Variants in SELP observed in about 807,000 individuals in gnomAD.
The protein encoded by SELP is selectin P.
A neutral mutation model predicts 104.1 loss-of-function variants in SELP; 92 were observed. That is an observed-to-expected ratio of 0.88 (90% CI 0.75 to 1.05). The LOEUF (loss-of-function observed/expected upper bound fraction) is 1.05, where lower values mean the gene tolerates loss of function less well. Ranked by LOEUF, SELP falls within the 50% of genes least tolerant of loss-of-function variation. The pLI, the probability that SELP is intolerant of heterozygous loss-of-function variation, is 0.00. For missense variants in SELP, 1,022 were observed against 1,017.3 expected (o/e 1.00, Z -0.06); for synonymous variants, 397 against 364.5 (o/e 1.09, Z -1.01).
Position 169,609,525 on chromosome 1 carries a change from C to T in SELP, c.1312G>A (p.Ala438Thr), listed in dbSNP as rs1662382950. The T allele has an allele frequency of 1.2e-6, 2 of 1,613,400 alleles. No homozygotes were observed. The highest frequency in any genetic ancestry group is 3.3e-5 in the Admixed American group (2 of 59,924). ...GTACCTTGACAGACTGGGGCTGGTG[C>T]TGTCCACTGTCCCAAGTTATCACAC... ...VRCDNLGQWT[A>T]PAPVCQALQC... The change falls in exon 8 of 17, where the codon GCA becomes ACA. Residue 438 changes from alanine to threonine, a missense_variant. Ala to Thr is a moderately conservative substitution (Grantham distance 58). Transcript: ENST00000263686.
At position 169,593,542 on chromosome 1, in the gene SELP, C is replaced by T. The variant is rs1026768996; in HGVS notation, c.2407+63G>A. The T allele has an allele frequency of 1.2e-5, 18 of 1,510,438 alleles. No homozygotes were observed. In the East Asian group the frequency reaches 2.1e-4, roughly 17 times the overall value. 93.6% of individuals were successfully genotyped at this position (1,510,438 alleles called of 1,614,324 possible). A position where few individuals can be genotyped will look rare whatever the true frequency, so the allele number is the denominator to read the frequency against. ...GTTTTTGCCTCCCCACCCTAAATTACATAAATCAATTTCTTTTGATTTATG... is the reference window on the plus strand; with the variant it reads ...GTTTTTGCCTCCCCACCCTAAATTATATAAATCAATTTCTTTTGATTTATG... On this transcript the variant is annotated intron_variant, in intron 14 of 16. Transcript: ENST00000263686.
intron 14 of SELP, chr1:169,591,708 T>A: frequency 3.2e-6 from 1 of 310,208 alleles, no homozygotes; most frequent in East Asian, 6.6e-5. Flanking sequence ...AATACATAAA[T>A]CAATTTCTTT....
At position 169,593,700 on chromosome 1, in the gene SELP, GCTTC is replaced by G. The variant is rs765189626; in HGVS notation, c.2308_2311del (p.Glu770ProfsTer2). The stretch of plus-strand genomic sequence containing the variant: ...CACCGCTCCACCAAAGTAAGTCAGG[GCTTC>G]CTGGATAGTCAATGGTCCTGCTACA... On this transcript the variant is annotated frameshift_variant, in exon 14 of 17. Transcript: ENST00000263686. LOFTEE classifies it high-confidence loss of function. 8.1e-6 allele frequency: 13 copies of G among 1,613,384 alleles called. No homozygotes were observed. The highest frequency in any genetic ancestry group is 1.3e-5 in the African/African-American group (1 of 74,884).
chr1:169,612,550 T>C (rs1258007086), intron 5 of SELP, 148 bp from the exon 6 acceptor site: 28 of 698,880 alleles, frequency 4.0e-5, no homozygotes, highest in Non-Finnish European at 2.4e-6. Context: ...TTTCAATAGC[T>C]GCTTGGAAAG....
In SELP at chr1:169,609,734, G is replaced by A. The variant is rs767082226; in HGVS notation, c.1148-45C>T. ...TCTAAAGCCAGGTAATGGAAGGGCC[G>A]GGTTCTTCCTCAGAAAAAATTCCTA... is the stretch of plus-strand genomic sequence containing the variant. On this transcript the variant is annotated intron_variant, in intron 7 of 16. Transcript: ENST00000263686. The A allele has an allele frequency of 5.4e-5, 83 of 1,540,042 alleles. No individual in the cohort carries two copies. The Admixed American group carries it at 1.3e-3, about 24-fold the overall frequency.
chr1:169,589,854 G>T (rs953035816), intron 16 of SELP, among the ~76,000 whole-genome samples: 1 of 152,142 alleles, frequency 6.6e-6, no homozygotes, highest in African/African-American at 2.4e-5. Flanking sequence ...TGCAGGCAAG[G>T]CCACATCATC....
rs550885869 is a variant in SELP, at chr1:169,588,919, G to A, written c.*544C>T. The A allele has an allele frequency of 2.0e-5, 3 of 152,254 alleles. No homozygotes were observed. In the South Asian group the frequency reaches 6.2e-4, roughly 32 times the overall value. 9.4% of individuals were successfully genotyped at this position (152,254 alleles called of 1,614,324 possible). A position where few individuals can be genotyped will look rare whatever the true frequency, so the allele number is the denominator to read the frequency against. ...GGTCATTTGAGGGACAGTGACTGGT[G>A]GCAGGAAGGTCCACGGTGACATGTG... is the stretch of plus-strand genomic sequence containing the variant. On this transcript the variant is annotated 3_prime_UTR_variant, in exon 17 of 17. Coordinates refer to ENST00000263686, the MANE Select transcript of SELP (RefSeq NM_003005.4).
intron 12 of SELP, 21 bp downstream of exon 12, chr1:169,595,904 G>T (rs957036583): frequency 1.9e-6 from 3 of 1,610,160 alleles, no homozygotes; most frequent in South Asian, 2.2e-5. Context: ...GTTCAGAACT[G>T]CCTGCTCCTT....
chr1:169,617,497 A>G, intron 2 of SELP, 83 bp from the exon 3 acceptor site: 10 of 1,364,526 alleles, frequency 7.3e-6, no homozygotes, highest in Non-Finnish European at 1.0e-5. Context: ...CTGCATACTC[A>G]GATGAATTTC....
chr1:169,609,718 A>G (rs1017509980), intron 7 of SELP, 29 bp from the exon 8 acceptor site: 1 of 1,578,282 alleles, frequency 6.3e-7, no homozygotes, highest in South Asian at 1.2e-5. Flanking sequence ...TTCTAAAGCC[A>G]GGTAATGGAA....
intron 13 of SELP, 120 bp from the exon 14 acceptor site, chr1:169,593,844 G>T: frequency 1.0e-6 from 1 of 970,076 alleles, no homozygotes; most frequent in Non-Finnish European, 1.5e-6. Context: ...GATCACCAAA[G>T]GTCCTGGGAA....
intron 10 of SELP, among the ~76,000 whole-genome samples, chr1:169,601,611 T>A (rs535339728): frequency 4.5e-4 from 69 of 152,290 alleles, no homozygotes; most frequent in African/African-American, 1.7e-3. Context: ...TGGAAAAGAG[T>A]AAATTCACAA....
intron 3 of SELP, among the ~76,000 whole-genome samples, chr1:169,614,325 A>G (rs1159727879): frequency 2.0e-5 from 3 of 152,210 alleles, no homozygotes; most frequent in Non-Finnish European, 2.9e-5. Context: ...TTATGAGGTG[A>G]TGTTTCATGA....
At chr1:169,605,147 G>A (rs1662118379) in intron 9 of SELP, among the ~76,000 whole-genome samples, 1 of 152,180 alleles carries the variant, frequency 6.6e-6, no homozygotes, top group Non-Finnish European at 1.5e-5. Flanking sequence ...CACCACCCAG[G>A]CTTGCCTGTA....
intron 1 of SELP, among the ~76,000 whole-genome samples, chr1:169,629,479 G>A (rs1663530731): frequency 6.6e-6 from 1 of 152,194 alleles, no homozygotes; most frequent in South Asian, 2.1e-4. Context: ...TATAGAAGAA[G>A]AAACTGAGTC....
In SELP at chr1:169,603,105, C is replaced by A. The variant is rs1229625610; in HGVS notation, c.1626G>T (p.Glu542Asp). The A allele has an allele frequency of 6.2e-7, 1 of 1,613,936 alleles. No homozygotes were observed. The highest frequency in any genetic ancestry group is 8.5e-7 in the Non-Finnish European group (1 of 1,179,976). ...YKSTCQFICD[E>D]GYSLSGPERL... ...TTTCTGGTCCAGACAAAGAATATCCCTCGTCACAGATGAATTGACATGTGG... is the reference window on the plus strand; with the variant it reads ...TTTCTGGTCCAGACAAAGAATATCCATCGTCACAGATGAATTGACATGTGG... Residue 542 changes from glutamate (E) to aspartate (D), a missense_variant, in exon 10 of 17, where the codon GAG (glutamate) becomes GAT (aspartate). Glu to Asp is a conservative substitution (Grantham distance 45). Transcript: ENST00000263686.
intron 9 of SELP, among the ~76,000 whole-genome samples, chr1:169,603,428 GAGGTGTAA>G (rs199520771): frequency 0.01 from 1,559 of 151,928 alleles, 14 homozygotes; most frequent in Middle Eastern, 0.031. Flanking sequence ...AGAGATTGTA[GAGGTGTAA>G]AATAGCAGCA....
chr1:169,607,121 C>T lies in SELP; in HGVS notation c.1347G>A (p.Gln449=). Residue 449 remains glutamine (Q), a synonymous_variant, in exon 9 of 17, where the codon CAG becomes CAA. Coordinates refer to ENST00000263686, the MANE Select transcript of SELP (RefSeq NM_003005.4). ...GGGCCTCATTTGGAACTGGGAGATC[C>T]TGGCACTGCAAAGCTAAGGGATGAG... ...PAPVCQALQC[Q]DLPVPNEARV... is the part of the protein sequence containing the mutation. 2 of 1,599,526 alleles carry T rather than the reference C, an allele frequency of 1.3e-6. No individual in the cohort carries two copies. Among genetic ancestry groups the T allele is most frequent in the Admixed American group, 1.7e-5 (1 of 59,486 alleles).
At chr1:169,605,477 G>C (rs765848969) in intron 9 of SELP, among the ~76,000 whole-genome samples, 3 of 127,778 alleles carry the variant, frequency 2.3e-5, no homozygotes, top group Admixed American at 7.8e-5. Context: ...TAACAATGGG[G>C]TGTGTGTGTG....
Sources: gnomAD v4.1 joint callset for allele counts (sites outside exome capture counted in the v4.1 genomes callset) on GRCh38, gnomAD v4.1.1 for gene constraint, MANE v1.5 for transcripts, NCBI Gene and HGNC (gene_info 2026-07-23, HGNC 2026-07-21) for gene names.